VEGFA: variants seen among roughly 807,000 people sequenced by gnomAD.
The protein encoded by VEGFA is vascular endothelial growth factor A.
VEGFA carries 20 observed loss-of-function variants against 49.7 expected under a neutral mutation model. The observed-to-expected ratio is 0.40, with a 90% CI of 0.28 to 0.58. The LOEUF (loss-of-function observed/expected upper bound fraction) is 0.58. Ranked by LOEUF, VEGFA falls within the 20% of genes least tolerant of loss-of-function variation. The pLI, the probability that VEGFA is intolerant of heterozygous loss-of-function variation, is 0.40. For missense variants in VEGFA, 505 were observed against 553.5 expected (o/e 0.91, Z 0.88); for synonymous variants, 219 against 223.4 (o/e 0.98, Z 0.18).
At chr6:43,784,407 C>T (rs1024717524) in intron 7 of VEGFA, 134 bp from the exon 8 acceptor site, 6 of 884,498 alleles carry the variant, frequency 6.8e-6, no homozygotes, top group African/African-American at 6.6e-5. Flanking sequence ...ACCACACCTT[C>T]CTGTCCTCTC....
intron 6 of VEGFA, chr6:43,781,225 G>A (rs952295951): frequency 2.6e-6 from 1 of 381,714 alleles, no homozygotes; most frequent in Non-Finnish European, 5.0e-6. Flanking sequence ...GAAGGGCTGT[G>A]AATGACTGGA....
intron 6 of VEGFA, chr6:43,781,277 G>C (rs934772094): frequency 3.1e-6 from 1 of 321,694 alleles, no homozygotes; most frequent in African/African-American, 2.2e-5. Context: ...GAGGAGCTTG[G>C]GTGGGATCAG....
chr6:43,781,695 G>A (rs1053777731), intron 6 of VEGFA: 4 of 451,786 alleles, frequency 8.9e-6, no homozygotes, highest in African/African-American at 8.0e-5. Flanking sequence ...ACACAGCATT[G>A]CCCCTTATGG....
Position 43,770,686 on chromosome 6 carries a change from T to A in VEGFA, c.-21T>A, listed in dbSNP as rs965275457. ...GCGGCGTGAGCCCTCCCCCTTGGGA[T>A]CCCGCAGCTGACCAGTCGCGCTGAC... On this transcript the variant is annotated 5_prime_UTR_variant, in exon 1 of 8. Coordinates refer to ENST00000672860, the MANE Select transcript of VEGFA (RefSeq NM_003376.6). 6.5e-7 allele frequency: 1 copy of A among 1,541,652 alleles called. No individual in the cohort carries two copies. The highest frequency in any genetic ancestry group is 8.6e-7 in the Non-Finnish European group (1 of 1,156,542).
chr6:43,770,946 G>T lies in VEGFA; in HGVS notation c.240G>T (p.Ala80=). Residue 80 remains alanine, a synonymous_variant, in exon 1 of 8, where the codon GCG becomes GCT. Transcript: ENST00000672860. ...GGGAAGCCGAGCCGAGCGGAGCCGC[G>T]AGAAGTGCTAGCTCGGGCCGGGAGG... 2 of 1,544,966 alleles carry T rather than the reference G, an allele frequency of 1.3e-6. No individual in the cohort carries two copies. Among genetic ancestry groups the T allele is most frequent in the Admixed American group, 2.0e-5 (1 of 50,672 alleles).
At chr6:43,778,161 A>G in intron 3 of VEGFA, 1 of 528,356 alleles carries the variant, frequency 1.9e-6, no homozygotes, top group African/African-American at 1.9e-5. Context: ...AGAGGATGAA[A>G]GAAGGGGAGG....
intron 5 of VEGFA, 63 bp from the exon 6 acceptor site, chr6:43,780,669 C>A: frequency 6.4e-7 from 1 of 1,561,894 alleles, no homozygotes. Flanking sequence ...GCCCACCTTA[C>A]CACTTCTTTT....
chr6:43,777,396 A>G lies in VEGFA; in HGVS notation c.659-73A>G. The G allele has an allele frequency of 6.4e-7, 1 of 1,551,612 alleles. No individual in the cohort carries two copies. Among genetic ancestry groups the G allele is most frequent in the Non-Finnish European group, 8.9e-7 (1 of 1,128,678 alleles). On this transcript the variant is annotated intron_variant, in intron 2 of 7. Transcript: ENST00000672860. The surrounding 1 kb of genome is among the most constrained non-coding windows in gnomAD (Gnocchi z 4.3). ...GAAGCTCCAAAGAGTGGCATTACAG[A>G]GCTGGGTGGAGAGAGGGGCTAGCCA...
intron 6 of VEGFA, 54 bp from the exon 7 acceptor site, chr6:43,781,900 TTC>T: frequency 5.0e-6 from 8 of 1,605,712 alleles, no homozygotes; most frequent in Admixed American, 3.3e-5. Flanking sequence ...GTGATTTTTT[TTC>T]TCTCTCTCTG....
Position 43,777,533 on chromosome 6 carries a change from C to T in VEGFA, c.723C>T (p.Ile241=), listed in dbSNP as rs1383168097. ...ATCCAATCGAGACCCTGGTGGACAT[C>T]TTCCAGGAGTACCCTGATGAGATCG... Residue 241 remains isoleucine, a synonymous_variant, in exon 3 of 8, where the codon ATC becomes ATT. Coordinates refer to ENST00000672860, the MANE Select transcript of VEGFA (RefSeq NM_003376.6). This position sits in a 1 kb window ranked among gnomAD's most constrained non-coding sequence, Gnocchi z 4.3. 6.2e-7 allele frequency: 1 copy of T among 1,614,212 alleles called. No homozygotes were observed. Among genetic ancestry groups the T allele is most frequent in the South Asian group, 1.1e-5 (1 of 91,084 alleles).
rs1186179862 is a variant in VEGFA at position 43,784,935 on chromosome 6, TTA to T, written c.*384_*385del. 5 of 177,996 alleles carry T rather than the reference TTA, an allele frequency of 2.8e-5. No homozygotes were observed. Among genetic ancestry groups the T allele is most frequent in the Non-Finnish European group, 4.7e-5 (4 of 85,916 alleles). The allele number at this position is 177,996 out of a possible 1,614,324, so 11.0% of individuals were successfully genotyped here. On this transcript the variant is annotated 3_prime_UTR_variant, in exon 8 of 8. Coordinates refer to ENST00000672860, the MANE Select transcript of VEGFA (RefSeq NM_003376.6). ...ATACATACATTTATATATATATATA[TTA>T]TATATATATAAAAATAAATATCTCT...
At chr6:43,784,306 C>T in intron 7 of VEGFA, 1 of 608,180 alleles carries the variant, frequency 1.6e-6, no homozygotes, top group Non-Finnish European at 2.9e-6. Context: ...GGAGGGTAGA[C>T]TGGGAGCCCC....
chr6:43,778,397 T>A, intron 3 of VEGFA, 63 bp from the exon 4 acceptor site: 4 of 1,443,822 alleles, frequency 2.8e-6, no homozygotes, highest in Non-Finnish European at 2.9e-6. Context: ...GCCCCAGGGT[T>A]GTCCCATCTG....
intron 6 of VEGFA, 169 bp downstream of exon 6, chr6:43,780,972 A>C: frequency 6.5e-7 from 1 of 1,535,906 alleles, no homozygotes; most frequent in Non-Finnish European, 8.9e-7. Flanking sequence ...ATTGGCACCA[A>C]CGGGTAGATT....
At chr6:43,780,421 G>T in intron 5 of VEGFA, 1 of 430,302 alleles carries the variant, frequency 2.3e-6, no homozygotes. Context: ...CTGTGAGTGT[G>T]GAGACCTTTG....
intron 2 of VEGFA, chr6:43,776,554 T>G (rs1765497790): frequency 2.6e-5 from 4 of 152,366 alleles, no homozygotes; most frequent in African/African-American, 9.6e-5. Context: ...TAGAAATGTT[T>G]CGTGGCTACA....
At chr6:43,774,680 C>T (rs986883655) in intron 2 of VEGFA, 18 of 540,354 alleles carry the variant, frequency 3.3e-5, no homozygotes, top group Non-Finnish European at 5.4e-5. Context: ...AGACAGTGTT[C>T]AGGGATCCTA....
At chr6:43,779,338 T>C in intron 5 of VEGFA, 1 of 373,422 alleles carries the variant, frequency 2.7e-6, no homozygotes, top group Non-Finnish European at 5.0e-6. Context: ...GACGGTGCAG[T>C]TGGATGCGAG....
intron 7 of VEGFA, chr6:43,784,260 A>G: frequency 1.7e-6 from 1 of 574,746 alleles, no homozygotes. Flanking sequence ...AAGTGTTCCC[A>G]TGTCCTTGTC....
Sources: gnomAD v4.1 joint callset for allele counts on GRCh38, gnomAD v4.1.1 for gene constraint, Gnocchi (gnomAD v3.1) non-coding constraint, MANE v1.5 for transcripts, NCBI Gene and HGNC (gene_info 2026-07-23, HGNC 2026-07-21) for gene names.